The following PTPRD variants were observed in gnomAD, a reference collection of about 807,000 sequenced individuals.
PTPRD encodes the protein protein tyrosine phosphatase receptor type D, also known as receptor-type tyrosine-protein phosphatase delta.
Under a neutral mutation model 214.5 loss-of-function variants are expected in PTPRD, and 34 were observed. That is an observed-to-expected ratio of 0.16 (90% CI 0.12 to 0.21). PTPRD has a LOEUF of 0.21. PTPRD is among the 10% of genes least tolerant of loss of function. PTPRD has a pLI of 1.00. For synonymous variants in PTPRD, 1,128 were observed against 845.7 expected (o/e 1.33, Z -5.79); for missense variants, 2,545 against 2,398.7 (o/e 1.06, Z -1.27).
intron 6 of PTPRD, among the ~76,000 whole-genome samples, chr9:9,743,165 A>G (rs2098421607): frequency 1.3e-5 from 2 of 152,180 alleles, no homozygotes; most frequent in Non-Finnish European, 2.9e-5. Flanking sequence ...TGTTTATAAA[A>G]TATGTATGAA....
intron 21 of PTPRD, among the ~76,000 whole-genome samples, chr9:8,514,142 A>G (rs1225768639): frequency 1.3e-5 from 2 of 152,066 alleles, no homozygotes; most frequent in East Asian, 1.9e-4. Context: ...TTATGATTCA[A>G]TGTCATATTC....
chr9:10,150,564 GA>G (rs575883586), intron 3 of PTPRD, among the ~76,000 whole-genome samples: 3 of 151,602 alleles, frequency 2.0e-5, no homozygotes, highest in Non-Finnish European at 2.9e-5. Flanking sequence ...TAATGTAACT[GA>G]CCAGTTAATG....
chr9:9,935,686 A>G (rs549953265), intron 5 of PTPRD, among the ~76,000 whole-genome samples: 2 of 147,870 alleles, frequency 1.4e-5, no homozygotes, highest in African/African-American at 5.4e-5. Context: ...CATCCCCATC[A>G]AGCTACCAAT....
At chr9:10,563,618 A>C (rs904315550) in intron 2 of PTPRD, among the ~76,000 whole-genome samples, 4 of 152,136 alleles carry the variant, frequency 2.6e-5, no homozygotes, top group African/African-American at 4.8e-5. Context: ...TTATGCTTAA[A>C]TACCCTGTCA....
At chr9:10,472,968 C>A (rs74463718) in intron 2 of PTPRD, among the ~76,000 whole-genome samples, 2,743 of 151,968 alleles carry the variant, frequency 0.018, 73 homozygotes, top group South Asian at 0.058. Context: ...TTACTTAATA[C>A]ATTAAGTTTA....
At chr9:10,104,823 C>G (rs1036722207) in intron 3 of PTPRD, among the ~76,000 whole-genome samples, 20 of 151,828 alleles carry the variant, frequency 1.3e-4, no homozygotes, top group African/African-American at 4.8e-4. Context: ...GAAGCAACAG[C>G]TTTATACTGG....
intron 11 of PTPRD, among the ~76,000 whole-genome samples, chr9:8,987,214 T>C (rs2099348890): frequency 6.6e-6 from 1 of 152,114 alleles, no homozygotes; most frequent in Non-Finnish European, 1.5e-5. Flanking sequence ...AGGTTTCTGC[T>C]GACATGTTTC....
chr9:8,489,923 C>G (rs559667500), intron 27 of PTPRD, among the ~76,000 whole-genome samples: 2 of 152,168 alleles, frequency 1.3e-5, no homozygotes, highest in Non-Finnish European at 2.9e-5. Context: ...GAAATAAAGA[C>G]GGATGCAGCA....
intron 2 of PTPRD, among the ~76,000 whole-genome samples, chr9:10,406,191 G>A (rs1035393748): frequency 6.6e-6 from 1 of 151,198 alleles, no homozygotes; most frequent in Admixed American, 6.6e-5. Flanking sequence ...CAGAAATAAG[G>A]ATGATATTTG....
chr9:9,747,306 C>T (rs905463010), intron 6 of PTPRD, among the ~76,000 whole-genome samples: 5 of 152,038 alleles, frequency 3.3e-5, no homozygotes, highest in Non-Finnish European at 5.9e-5. Flanking sequence ...AAAAGAGGAA[C>T]CCTCCCAAGA....
rs903445465 is a variant in PTPRD, at chr9:8,625,972, TG to T, written c.352+7344del. Among the ~76,000 whole-genome samples, 31 of 151,926 alleles carry T rather than the reference TG, an allele frequency of 2.0e-4. 1 individual carries two copies. Among genetic ancestry groups the T allele is most frequent in the African/African-American group, 7.0e-4 (29 of 41,508 alleles). On this transcript the variant is annotated intron_variant, in intron 14 of 45. Transcript: ENST00000381196. ...AATGTGGCATTAATTCACAAGTCAT[TG>T]TTTTTTTAATAAGATATAATAAGTT...
chr9:9,551,306 G>C (rs2080171109), intron 8 of PTPRD, among the ~76,000 whole-genome samples: 1 of 151,776 alleles, frequency 6.6e-6, no homozygotes, highest in Non-Finnish European at 1.5e-5. Context: ...AACCTTACAA[G>C]CTTTAGAAAT....
chr9:9,352,720 G>A (rs2051914204), intron 9 of PTPRD, among the ~76,000 whole-genome samples: 2 of 151,892 alleles, frequency 1.3e-5, no homozygotes, highest in Non-Finnish European at 2.9e-5. Context: ...TGTCTACATA[G>A]TTCACATTAC....
chr9:10,448,680 T>C (rs1439139797), intron 2 of PTPRD, among the ~76,000 whole-genome samples: 1 of 152,028 alleles, frequency 6.6e-6, no homozygotes, highest in Non-Finnish European at 1.5e-5. Flanking sequence ...CTGAGGATAT[T>C]AGAGCTAAGG....
At chr9:10,218,339 C>G (rs1237790872) in intron 3 of PTPRD, among the ~76,000 whole-genome samples, 5 of 151,738 alleles carry the variant, frequency 3.3e-5, no homozygotes, top group African/African-American at 7.3e-5. Context: ...TTTTTACCAC[C>G]CAAGAGGTTT....
chr9:9,529,587 T>C (rs2154262868), intron 8 of PTPRD, among the ~76,000 whole-genome samples: 1 of 152,114 alleles, frequency 6.6e-6, no homozygotes, highest in South Asian at 2.1e-4. Flanking sequence ...CACAGTAAGA[T>C]AGGACTACAT....
rs1554959657 is a variant in PTPRD at position 9,195,086 on chromosome 9, G to GTATATATACATATATATATA, written c.-202-11724_-202-11723insTATATATATATGTATATATA. Among the ~76,000 whole-genome samples, 22 of 131,186 alleles carry GTATATATACATATATATATA rather than the reference G, an allele frequency of 1.7e-4. No individual in the cohort carries two copies. The East Asian group carries it at 5.6e-3, about 33-fold the overall frequency. 86.1% of individuals were successfully genotyped at this position (131,186 alleles called of 152,430 possible). On this transcript the variant is annotated intron_variant, in intron 9 of 45. Transcript: ENST00000381196. ...CATATATACATATGTGTGTGTTTGT[G>GTATATATACATATATATATA]TATATATATATATATATATATACAC...
At chr9:10,466,130 A>G (rs1335828239) in intron 2 of PTPRD, among the ~76,000 whole-genome samples, 2 of 152,198 alleles carry the variant, frequency 1.3e-5, no homozygotes, top group Admixed American at 6.5e-5. Context: ...TCTTCACGGT[A>G]TTTGTTTCTA....
intron 2 of PTPRD, among the ~76,000 whole-genome samples, chr9:10,381,199 AT>A (rs2097818139): frequency 6.6e-6 from 1 of 151,132 alleles, no homozygotes; most frequent in Non-Finnish European, 1.5e-5. Flanking sequence ...TTTCTTTTTT[AT>A]TATTTTCTGA....
Sources: allele counts gnomAD v4.1 joint callset (sites outside exome capture counted in the v4.1 genomes callset), GRCh38; gene constraint gnomAD v4.1.1; transcripts MANE v1.5; gene names NCBI Gene and HGNC (gene_info 2026-07-23, HGNC 2026-07-21).